Variants in NLGN1 observed in about 807,000 individuals in gnomAD.
NLGN1 encodes neuroligin-1.
A neutral mutation model predicts 65.5 loss-of-function variants in NLGN1; 12 were observed. The ratio of observed to expected loss-of-function variants is 0.18; its 90% confidence interval spans 0.12 to 0.30. The LOEUF (loss-of-function observed/expected upper bound fraction) is 0.30, where lower values mean the gene tolerates loss of function less well. Among genes scored for constraint, NLGN1 ranks in the 10% least tolerant of loss-of-function variants. NLGN1 has a pLI of 1.00. For missense variants in NLGN1, 750 were observed against 1,007.1 expected (o/e 0.74, Z 3.46); for synonymous variants, 350 against 359.5 (o/e 0.97, Z 0.30).
At chr3:173,604,744 A>T in exon 3 of NLGN1, 1 of 1,613,738 alleles carries the variant, frequency 6.2e-7, no homozygotes, top group Non-Finnish European at 8.5e-7. Flanking sequence ...CAAAAATTGG[A>T]TGATGTGGAC....
intron 4 of NLGN1, among the ~76,000 whole-genome samples, chr3:174,222,830 C>CT (rs546011926): frequency 2.6e-5 from 4 of 152,088 alleles, no homozygotes; most frequent in Non-Finnish European, 5.9e-5. Flanking sequence ...ATTCCAGTTG[C>CT]TATCTGTATC....
Position 174,115,724 on chromosome 3 carries a change from A to G in NLGN1, c.647-159591A>G, listed in dbSNP as rs577852657. On this transcript the variant is annotated intron_variant, in intron 4 of 6. Coordinates refer to ENST00000457714, the Ensembl canonical transcript of NLGN1. Reference sequence around the variant, plus strand: ...GATACTCTTACATCCAGATGTCACAATAACAAAGACAAAGCTCTAGGGTTT... The same window carrying G: ...GATACTCTTACATCCAGATGTCACAGTAACAAAGACAAAGCTCTAGGGTTT... Among the ~76,000 whole-genome samples, 12 of 152,336 alleles carry G rather than the reference A, an allele frequency of 7.9e-5. 1 individual carries two copies. The highest frequency in any genetic ancestry group is 7.8e-4 in the Admixed American group (12 of 15,302).
intron 2 of NLGN1, among the ~76,000 whole-genome samples, chr3:173,453,345 G>T (rs1721958279): frequency 6.6e-6 from 1 of 151,240 alleles, no homozygotes; most frequent in African/African-American, 2.4e-5. Flanking sequence ...TGATCTTCCT[G>T]TGTTGGCCTC....
chr3:174,116,634 G>T (rs1347162752), intron 4 of NLGN1, among the ~76,000 whole-genome samples: 1 of 152,124 alleles, frequency 6.6e-6, no homozygotes. Flanking sequence ...CACCATGCCC[G>T]CCCAACATGT....
chr3:173,502,033 T>C (rs985092546), intron 2 of NLGN1, among the ~76,000 whole-genome samples: 7 of 152,128 alleles, frequency 4.6e-5, no homozygotes, highest in African/African-American at 1.7e-4. Context: ...TAATAATGCT[T>C]GTCATGACCT....
intron 3 of NLGN1, among the ~76,000 whole-genome samples, chr3:173,681,411 A>G (rs1388312144): frequency 6.6e-6 from 1 of 152,192 alleles, no homozygotes; most frequent in Non-Finnish European, 1.5e-5. Flanking sequence ...CACTCTAAAT[A>G]ATATATCTCT....
chr3:174,001,643 G>A (rs899568153), intron 4 of NLGN1, among the ~76,000 whole-genome samples: 3 of 152,112 alleles, frequency 2.0e-5, no homozygotes, highest in African/African-American at 7.2e-5. Flanking sequence ...CTCATCAATA[G>A]AGTAATATGT....
chr3:173,637,025 A>C (rs1189316800), intron 3 of NLGN1, among the ~76,000 whole-genome samples: 2 of 152,180 alleles, frequency 1.3e-5, no homozygotes, highest in Non-Finnish European at 2.9e-5. Context: ...AATTCTGAGA[A>C]CTTTTTGTCT....
intron 4 of NLGN1, among the ~76,000 whole-genome samples, chr3:174,045,869 T>G (rs1733464905): frequency 6.6e-6 from 1 of 152,290 alleles, no homozygotes; most frequent in Non-Finnish European, 1.5e-5. Context: ...CCTTATCAGT[T>G]GAAACAAAAC....
intron 4 of NLGN1, among the ~76,000 whole-genome samples, chr3:174,017,008 T>G (rs1411662167): frequency 6.6e-6 from 1 of 152,140 alleles, no homozygotes; most frequent in Non-Finnish European, 1.5e-5. Context: ...AAATGGCTAA[T>G]ACAATCTGAG....
chr3:173,744,984 T>A (rs1775159362), intron 3 of NLGN1, among the ~76,000 whole-genome samples: 1 of 152,124 alleles, frequency 6.6e-6, no homozygotes, highest in African/African-American at 2.4e-5. Context: ...CGCCTATCTT[T>A]CCTTGCACTT....
chr3:174,236,299 A>G (rs902196967), intron 4 of NLGN1, among the ~76,000 whole-genome samples: 3 of 152,116 alleles, frequency 2.0e-5, no homozygotes, highest in Non-Finnish European at 4.4e-5. Context: ...CAAATTCTCT[A>G]TGCCTATATA....
At chr3:173,911,053 G>T (rs949190082) in intron 4 of NLGN1, among the ~76,000 whole-genome samples, 1 of 152,050 alleles carries the variant, frequency 6.6e-6, no homozygotes, top group African/African-American at 2.4e-5. Flanking sequence ...CTAAATGTAG[G>T]TATAAGAGAC....
intron 4 of NLGN1, among the ~76,000 whole-genome samples, chr3:173,960,864 G>A (rs1713379990): frequency 6.6e-6 from 1 of 151,772 alleles, no homozygotes; most frequent in South Asian, 2.1e-4. Flanking sequence ...CATTTTGCAA[G>A]TGTTTATGTC....
intron 3 of NLGN1, among the ~76,000 whole-genome samples, chr3:173,797,705 A>AC (rs946857277): frequency 2.0e-5 from 3 of 151,426 alleles, no homozygotes; most frequent in Non-Finnish European, 4.4e-5. Flanking sequence ...ACAACAAAAA[A>AC]AAACAAGAAA....
Position 174,234,985 on chromosome 3 carries a change from C to CTTTTTTTTTTTTTTTTTTT in NLGN1, c.647-40318_647-40300dup, listed in dbSNP as rs748911027. Among the ~76,000 whole-genome samples the CTTTTTTTTTTTTTTTTTTT allele has an allele frequency of 7.6e-5, 5 of 65,748 alleles. 1 individual carries two copies. Among genetic ancestry groups the CTTTTTTTTTTTTTTTTTTT allele is most frequent in the East Asian group, 9.0e-4 (2 of 2,222 alleles). The allele number at this position is 65,748 out of a possible 152,430, so 43.1% of individuals were successfully genotyped here. Reference sequence around the variant, plus strand: ...GAGCTTTGTAAAATAAAGGAATCACCTTTTTTTTTTTTTTTTTTTTTTTTT... The same window carrying CTTTTTTTTTTTTTTTTTTT: ...GAGCTTTGTAAAATAAAGGAATCACCTTTTTTTTTTTTTTTTTTTTTTTTTTTTTTTTTTTTTTTTTTTT... On this transcript the variant is annotated intron_variant, in intron 4 of 6. Coordinates refer to ENST00000457714, the Ensembl canonical transcript of NLGN1.
chr3:173,410,525 G>A (rs1189009180), intron 1 of NLGN1, among the ~76,000 whole-genome samples: 2 of 152,132 alleles, frequency 1.3e-5, no homozygotes, highest in Admixed American at 1.3e-4. Context: ...AGGGGAGATT[G>A]GGCTGCTTTT....
intron 3 of NLGN1, among the ~76,000 whole-genome samples, chr3:173,763,812 A>G (rs1027839079): frequency 3.3e-5 from 5 of 152,160 alleles, no homozygotes; most frequent in Admixed American, 6.6e-5. Context: ...AAAAGAAGAA[A>G]AAAGCATTTT....
intron 4 of NLGN1, among the ~76,000 whole-genome samples, chr3:174,140,484 C>T (rs1421288850): frequency 6.6e-6 from 1 of 151,972 alleles, no homozygotes; most frequent in African/African-American, 2.4e-5. Flanking sequence ...CCTCAAAACC[C>T]TAGGAGACAG....
Sources: allele counts gnomAD v4.1 joint callset (sites outside exome capture counted in the v4.1 genomes callset), GRCh38; gene constraint gnomAD v4.1.1; transcripts MANE v1.5; gene names NCBI Gene and HGNC (gene_info 2026-07-23, HGNC 2026-07-21).